LITAF: variants seen among roughly 807,000 people sequenced by gnomAD.
LITAF encodes the protein lipopolysaccharide induced TNF factor, also known as lipopolysaccharide-induced tumor necrosis factor-alpha factor.
Under a neutral mutation model 14.5 loss-of-function variants are expected in LITAF, and 9 were observed. The ratio of observed to expected loss-of-function variants is 0.62; its 90% CI spans 0.37 to 1.08. The LOEUF (loss-of-function observed/expected upper bound fraction) is 1.08. Among genes scored for constraint, LITAF ranks in the 50% least tolerant of loss-of-function variants. LITAF has a pLI of 0.01. For missense variants in LITAF, 206 were observed against 213.4 expected, an observed-to-expected ratio of 0.97 and a Z score of 0.22; for synonymous variants, 98 against 88.2, an observed-to-expected ratio of 1.11 and a Z score of -0.62.
chr16:11,620,927 G>A (rs564864394), intron 3 of LITAF, among the ~76,000 whole-genome samples: 174 of 152,310 alleles, frequency 1.1e-3, no homozygotes, highest in Admixed American at 1.9e-3. Flanking sequence ...AGATGGTCTC[G>A]CTCTGTTGCC....
intron 1 of LITAF, among the ~76,000 whole-genome samples, chr16:11,572,564 C>T (rs2064561926): frequency 6.6e-6 from 1 of 152,060 alleles, no homozygotes; most frequent in Non-Finnish European, 1.5e-5. Context: ...GTGAGAAGGG[C>T]CTCTGTGGCC....
chr16:11,602,644 A>G (rs2141866815), upstream of LITAF, among the ~76,000 whole-genome samples: 1 of 152,218 alleles, frequency 6.6e-6, no homozygotes, highest in African/African-American at 2.4e-5. Flanking sequence ...TAGACTACAC[A>G]ACTCCAGATG....
chr16:11,632,363 G>A lies in LITAF; in HGVS notation c.85+1170C>T, dbSNP rs2065122359. On this transcript the variant is annotated intron_variant, in intron 3 of 3. Transcript: ENST00000574848. The surrounding 1 kb of genome is among the most constrained non-coding windows in gnomAD (Gnocchi z 4.8). Reference sequence around the variant, plus strand: ...GGCTCAACCCTGGAGAGAAGGTGAAGGAGGCACCGAGATGACAGAGACAGG... The same window carrying A: ...GGCTCAACCCTGGAGAGAAGGTGAAAGAGGCACCGAGATGACAGAGACAGG... Among the ~76,000 whole-genome samples the A allele has an allele frequency of 6.6e-6, 1 of 152,120 alleles. No homozygotes were observed. Among genetic ancestry groups the A allele is most frequent in the African/African-American group, 2.4e-5 (1 of 41,424 alleles).
Position 11,632,874 on chromosome 16 carries a change from C to T in LITAF, c.85+659G>A, listed in dbSNP as rs578142579. Among the ~76,000 whole-genome samples, 74 of 152,292 alleles carry T rather than the reference C, an allele frequency of 4.9e-4. No homozygotes were observed. The highest frequency in any genetic ancestry group is 7.8e-4 in the Admixed American group (12 of 15,294). ...AATTCCACAGGAATTTCCACAGAGGCCCACCCCACTCTGAGCCTCCTAGTG... is the reference window on the plus strand; with the variant it reads ...AATTCCACAGGAATTTCCACAGAGGTCCACCCCACTCTGAGCCTCCTAGTG... On this transcript the variant is annotated intron_variant, in intron 3 of 3. Coordinates refer to the LITAF transcript ENST00000574848. This position sits in a 1 kb window ranked among gnomAD's most constrained non-coding sequence, Gnocchi z 4.8.
intron 1 of LITAF, among the ~76,000 whole-genome samples, chr16:11,593,515 G>T (rs986464032): frequency 6.6e-6 from 1 of 152,102 alleles, no homozygotes; most frequent in Non-Finnish European, 1.5e-5. Context: ...AAGTACTCAA[G>T]TGAAAACTTG....
In LITAF at chr16:11,619,896, A is replaced by G. The variant is rs377151496; in HGVS notation, c.85+13637T>C. On this transcript the variant is annotated intron_variant, in intron 3 of 3. Transcript: ENST00000574848. ...TGAAATGTAATCTGCGGACGGGTGC[A>G]GTGGCTCATGCCTGTAATCCCAGCA... 4.0e-4 allele frequency among the ~76,000 whole-genome samples: 61 copies of G among 152,124 alleles called. 2 individuals carry two copies. Among genetic ancestry groups the G allele is most frequent in the South Asian group, 1.5e-3 (7 of 4,820 alleles).
At chr16:11,595,345 G>C (rs994170827) in intron 1 of LITAF, among the ~76,000 whole-genome samples, 8 of 152,270 alleles carry the variant, frequency 5.3e-5, no homozygotes, top group Admixed American at 1.3e-4. Flanking sequence ...CAAACGCTTT[G>C]TTTCTGCTGC....
intron 1 of LITAF, among the ~76,000 whole-genome samples, chr16:11,571,955 G>A (rs184977147): frequency 1.3e-5 from 2 of 151,934 alleles, no homozygotes; most frequent in Non-Finnish European, 2.9e-5. Flanking sequence ...CAGGCGTGGT[G>A]GTGCGCACCT....
intron 2 of LITAF, among the ~76,000 whole-genome samples, chr16:11,635,471 G>T (rs2065134601): frequency 6.6e-6 from 1 of 152,108 alleles, no homozygotes; most frequent in Admixed American, 6.6e-5. Flanking sequence ...GTGGCCATGG[G>T]GACAAGAAGC....
chr16:11,556,755 T>C lies in LITAF; in HGVS notation c.-5-20A>G. ...TTTTACCTAAAACAGAAACAGAACA[T>C]ACCAGATAAGAAATTCAGTTGATCT... On this transcript the variant is annotated intron_variant, in intron 1 of 3. Transcript: ENST00000622633. The C allele has an allele frequency of 6.3e-7, 1 of 1,590,646 alleles. No homozygotes were observed. Among genetic ancestry groups the C allele is most frequent in the Non-Finnish European group, 8.6e-7 (1 of 1,158,838 alleles).
chr16:11,583,407 G>A (rs1434766495), intron 1 of LITAF, among the ~76,000 whole-genome samples: 2 of 152,140 alleles, frequency 1.3e-5, no homozygotes, highest in Non-Finnish European at 2.9e-5. Flanking sequence ...TAGTTTCCAC[G>A]TGAATCACAG....
intron 1 of LITAF, among the ~76,000 whole-genome samples, chr16:11,561,912 A>T (rs1323487337): frequency 6.6e-6 from 1 of 151,308 alleles, no homozygotes; most frequent in Non-Finnish European, 1.5e-5. Flanking sequence ...TTTTTAAAAA[A>T]GAGGGAAAGG....
upstream of LITAF, among the ~76,000 whole-genome samples, chr16:11,588,352 G>T (rs2064827721): frequency 6.6e-6 from 1 of 151,832 alleles, no homozygotes; most frequent in African/African-American, 2.4e-5. Context: ...TTAATTAAAA[G>T]AATAATAATA....
chr16:11,553,601 G>C lies in LITAF; in HGVS notation c.309C>G (p.Ile103Met). 1 of 1,614,134 alleles carries C rather than the reference G, an allele frequency of 6.2e-7. No individual in the cohort carries two copies. Among genetic ancestry groups the C allele is most frequent in the Non-Finnish European group, 8.5e-7 (1 of 1,180,022 alleles). Reference protein sequence around the residue: ...QMCCPSCNKMIVSQLSYNAGA... With the variant: ...QMCCPSCNKMMVSQLSYNAGA... The stretch of plus-strand genomic sequence containing the variant: ...CGGCGTTATAGGACAGCTGACTCAC[G>C]ATCATCTTGTTGCAGGAAGGACAAC... The change falls in exon 3 of 4, where the codon ATC (isoleucine) becomes ATG (methionine). Residue 103 changes from isoleucine to methionine, a missense_variant. By Grantham distance (10) the Ile-to-Met change is conservative. Coordinates refer to ENST00000622633, the MANE Select transcript of LITAF (RefSeq NM_001136472.2). The surrounding 1 kb of genome is among the most constrained non-coding windows in gnomAD (Gnocchi z 7.7).
chr16:11,559,220 C>T (rs1373435984), intron 1 of LITAF, among the ~76,000 whole-genome samples: 1 of 152,180 alleles, frequency 6.6e-6, no homozygotes, highest in Non-Finnish European at 1.5e-5. Context: ...CATGCCACTG[C>T]ACTCTAGCCT....
chr16:11,586,367 G>A lies in LITAF; in HGVS notation c.-6+519C>T, dbSNP rs1327108864. 6.6e-6 allele frequency: 1 copy of A among 152,270 alleles called. No homozygotes were observed. The highest frequency in any genetic ancestry group is 1.9e-4 in the East Asian group (1 of 5,194). The allele number at this position is 152,270 out of a possible 1,614,324, so 9.4% of individuals were successfully genotyped here. On this transcript the variant is annotated intron_variant, in intron 1 of 3. Transcript: ENST00000622633. The surrounding 1 kb of genome is among the most constrained non-coding windows in gnomAD (Gnocchi z 6.5). ...TTGCGCGAAGTCGCGGGGGCAGGGA[G>A]AGAAACGCGGGTACCCGCGCCCCTA... is the stretch of plus-strand genomic sequence containing the variant.
Position 11,586,673 on chromosome 16 carries a change from G to T in LITAF, c.-6+213C>A, listed in dbSNP as rs1050265642. Among the ~76,000 whole-genome samples, 1 of 151,542 alleles carries T rather than the reference G, an allele frequency of 6.6e-6. No individual in the cohort carries two copies. The highest frequency in any genetic ancestry group is 1.5e-5 in the Non-Finnish European group (1 of 67,688). Reference sequence around the variant, plus strand: ...GCTGAACCCAACCGGAGACGCGGCCGGGACCAGCGCTGGGAGGCCGGACCC... The same window carrying T: ...GCTGAACCCAACCGGAGACGCGGCCTGGACCAGCGCTGGGAGGCCGGACCC... On this transcript the variant is annotated intron_variant, in intron 1 of 3. Transcript: ENST00000622633. The surrounding 1 kb of genome is among the most constrained non-coding windows in gnomAD (Gnocchi z 6.5).
At chr16:11,612,731 T>G (rs921097351) in intron 3 of LITAF, among the ~76,000 whole-genome samples, 1 of 152,130 alleles carries the variant, frequency 6.6e-6, no homozygotes, top group African/African-American at 2.4e-5. Context: ...TTTGTCCACG[T>G]CCTTGAGAAG....
At chr16:11,623,922 G>A (rs1164998668) in intron 3 of LITAF, among the ~76,000 whole-genome samples, 2 of 150,984 alleles carry the variant, frequency 1.3e-5, no homozygotes, top group Non-Finnish European at 3.0e-5. Flanking sequence ...AGCCAAGATC[G>A]TGCCATTGCA....
Sources: allele counts gnomAD v4.1 joint callset (sites outside exome capture counted in the v4.1 genomes callset), GRCh38; gene constraint gnomAD v4.1.1; non-coding constraint Gnocchi (gnomAD v3.1); transcripts MANE v1.5; gene names NCBI Gene and HGNC (gene_info 2026-07-23, HGNC 2026-07-21).